The following XK variants were observed in gnomAD, a reference collection of about 807,000 sequenced individuals.
XK encodes endoplasmic reticulum membrane adapter protein XK.
XK carries 2 observed loss-of-function variants against 14.0 expected under a neutral mutation model. That is an observed-to-expected ratio of 0.14 (90% CI 0.06 to 0.45). The LOEUF is 0.45. Ranked by LOEUF, XK falls within the 20% of genes least tolerant of loss-of-function variation. The pLI, the probability that XK is intolerant of heterozygous loss-of-function variation, is 0.98. For missense variants in XK, 235 were observed against 341.5 expected, an observed-to-expected ratio of 0.69 and a Z score of 2.46; for synonymous variants, 149 against 147.5, an observed-to-expected ratio of 1.01 and a Z score of -0.08.
At chrX:37,705,170 G>A (rs1277370991) in intron 2 of XK, among the ~76,000 whole-genome samples, 1 of 111,247 alleles carries the variant, frequency 9.0e-6, no homozygotes, top group Non-Finnish European at 1.9e-5. Flanking sequence ...GAGAAGCCAG[G>A]CGTGGTAGCT....
intron 2 of XK, among the ~76,000 whole-genome samples, chrX:37,705,289 CAAAA>C (rs5902157): frequency 2.0e-5 from 2 of 98,956 alleles, no homozygotes; most frequent in Admixed American, 2.2e-4. Flanking sequence ...ACTAAAAATA[CAAAA>C]AAAAAAAAAT....
At chrX:37,722,522 C>G (rs950272566) in intron 2 of XK, among the ~76,000 whole-genome samples, 1 of 112,181 alleles carries the variant, frequency 8.9e-6, no homozygotes, top group Admixed American at 9.4e-5. Context: ...ATTACTGTCT[C>G]TCAGAAATCT....
At chrX:37,692,543 A>G (rs1228512058) in intron 1 of XK, among the ~76,000 whole-genome samples, 3 of 111,701 alleles carry the variant, frequency 2.7e-5, no homozygotes, top group African/African-American at 9.8e-5. Flanking sequence ...TGAGACTACA[A>G]GGGTGCACCA....
intron 2 of XK, among the ~76,000 whole-genome samples, chrX:37,715,314 T>C (rs1217375082): frequency 8.9e-6 from 1 of 111,854 alleles, no homozygotes; most frequent in Non-Finnish European, 1.9e-5. Context: ...GCATGATTTA[T>C]AACTTTGCTG....
chrX:37,719,521 G>C (rs892098815), intron 2 of XK, among the ~76,000 whole-genome samples: 2 of 110,178 alleles, frequency 1.8e-5, no homozygotes, highest in Non-Finnish European at 3.8e-5. Context: ...CTCCATTTGA[G>C]TGTTTTCTTC....
intron 2 of XK, among the ~76,000 whole-genome samples, chrX:37,707,535 G>A (rs782119448): frequency 0.013 from 1,407 of 107,024 alleles, 34 homozygotes; most frequent in African/African-American, 0.047. Flanking sequence ...CAGACGGGGC[G>A]GCTGCCGGGC....
At position 37,709,880 on chromosome X, in the gene XK, TAGAG is replaced by T. The variant is rs72187170; in HGVS notation, c.508+15336_508+15339del. ...TATTACAGACATATAGACATACAGA[TAGAG>T]AGAAATAGAGTTTGTAGCTTCAATT... On this transcript the variant is annotated intron_variant, in intron 2 of 2. Transcript: ENST00000378616. Among the ~76,000 whole-genome samples, 184 of 111,652 alleles carry T rather than the reference TAGAG, an allele frequency of 1.6e-3. 1 individual carries two copies. Among genetic ancestry groups the T allele is most frequent in the African/African-American group, 5.7e-3 (174 of 30,738 alleles).
chrX:37,723,573 A>G (rs1556449399), intron 2 of XK, among the ~76,000 whole-genome samples: 1 of 111,638 alleles, frequency 9.0e-6, no homozygotes, highest in Non-Finnish European at 1.9e-5. Flanking sequence ...TTCTCTTGAT[A>G]GAGAAAAAGA....
chrX:37,728,224 T>C lies in XK; in HGVS notation c.1097T>C (p.Met366Thr). The C allele has an allele frequency of 8.3e-7, 1 of 1,211,614 alleles. No individual in the cohort carries two copies. The highest frequency in any genetic ancestry group is 1.1e-6 in the Non-Finnish European group (1 of 895,422). The change falls in exon 3 of 3, where the codon ATG (methionine) becomes ACG (threonine). Residue 366 changes from methionine to threonine, a missense_variant. By Grantham distance (81) the Met-to-Thr change is moderately conservative. Coordinates refer to ENST00000378616, the MANE Select transcript of XK (RefSeq NM_021083.4). Reference sequence around the variant, plus strand: ...GGGTACTGCACAGCCATTCTCTTCATGCTTGTATTCTATCAGTTCTTCCAC... The same window carrying C: ...GGGTACTGCACAGCCATTCTCTTCACGCTTGTATTCTATCAGTTCTTCCAC... The part of the protein sequence containing the change: ...LIGYCTAILF[M>T]LVFYQFFHPC...
At chrX:37,705,364 A>G (rs781816817) in intron 2 of XK, among the ~76,000 whole-genome samples, 6 of 109,949 alleles carry the variant, frequency 5.5e-5, no homozygotes, top group Non-Finnish European at 1.1e-4. Flanking sequence ...AGGCAGGAGA[A>G]TGGCGTGAAC....
chrX:37,719,861 T>C (rs1602156293), intron 2 of XK, among the ~76,000 whole-genome samples: 1 of 111,223 alleles, frequency 9.0e-6, no homozygotes, highest in East Asian at 2.8e-4. Flanking sequence ...GCCAGGTATT[T>C]GTAAGAAAAA....
chrX:37,714,137 T>G, intron 2 of XK, among the ~76,000 whole-genome samples: 1 of 111,327 alleles, frequency 9.0e-6, no homozygotes, highest in Non-Finnish European at 1.9e-5. Context: ...TTGGAGAATG[T>G]TAGAGGTAGA....
At chrX:37,707,942 G>A (rs1281449122) in intron 2 of XK, among the ~76,000 whole-genome samples, 1 of 112,889 alleles carries the variant, frequency 8.9e-6, no homozygotes, top group Non-Finnish European at 1.9e-5. Flanking sequence ...ACGAGACTCC[G>A]TCTGCAATCC....
At chrX:37,698,566 A>G (rs1300015384) in intron 2 of XK, among the ~76,000 whole-genome samples, 1 of 107,389 alleles carries the variant, frequency 9.3e-6, no homozygotes, top group African/African-American at 3.4e-5. Flanking sequence ...AAAAAAAAAA[A>G]AAAGAGGAGG....
chrX:37,687,996 G>A (rs1927116968), intron 1 of XK, among the ~76,000 whole-genome samples: 1 of 109,141 alleles, frequency 9.2e-6, no homozygotes, highest in Non-Finnish European at 1.9e-5. Flanking sequence ...AGTAAAATAA[G>A]TGTGATCTGA....
intron 2 of XK, among the ~76,000 whole-genome samples, chrX:37,705,188 G>C (rs955538621): frequency 9.0e-6 from 1 of 110,968 alleles, no homozygotes; most frequent in Non-Finnish European, 1.9e-5. Flanking sequence ...GCTCACGCCT[G>C]TAATCCCAGC....
chrX:37,720,014 C>T (rs1403179531), intron 2 of XK, among the ~76,000 whole-genome samples: 3 of 110,742 alleles, frequency 2.7e-5, no homozygotes, highest in South Asian at 3.8e-4. Flanking sequence ...TCAATCTTTG[C>T]GAGGGCTTAA....
chrX:37,687,158 ATC>A (rs782029572), intron 1 of XK, among the ~76,000 whole-genome samples: 1,880 of 100,717 alleles, frequency 0.019, 38 homozygotes, highest in African/African-American at 0.065. Context: ...CTACCAGGAA[ATC>A]TCTCTCTCTC....
At chrX:37,722,488 T>C (rs1375951881) in intron 2 of XK, among the ~76,000 whole-genome samples, 5 of 111,959 alleles carry the variant, frequency 4.5e-5, no homozygotes, top group Non-Finnish European at 9.5e-5. Context: ...CTTTGTTCAC[T>C]GAGTTGAAAG....
Sources: gnomAD v4.1 joint callset for allele counts (sites outside exome capture counted in the v4.1 genomes callset) on GRCh38, gnomAD v4.1.1 for gene constraint, MANE v1.5 for transcripts, NCBI Gene and HGNC (gene_info 2026-07-23, HGNC 2026-07-21) for gene names.